Variants in PLCL1 observed in about 807,000 individuals in gnomAD.
PLCL1 encodes the protein phospholipase C like 1 (inactive), also known as inactive phospholipase C-like protein 1.
In PLCL1, 41 loss-of-function variants were observed where a neutral mutation model predicts 84.4. The ratio of observed to expected loss-of-function variants is 0.49; its 90% CI spans 0.38 to 0.63. PLCL1 has a LOEUF of 0.63. PLCL1 is among the 30% of genes least tolerant of loss of function. PLCL1 has a pLI of 0.00. For missense variants in PLCL1, 1,206 were observed against 1,367.8 expected (o/e 0.88, Z 1.87); for synonymous variants, 490 against 488.3 (o/e 1.00, Z -0.05).
At chr2:197,818,897 T>C (rs938245114) in intron 1 of PLCL1, among the ~76,000 whole-genome samples, 1 of 152,090 alleles carries the variant, frequency 6.6e-6, no homozygotes, top group African/African-American at 2.4e-5. Flanking sequence ...AAGAGGTTTC[T>C]TGGGTGAAGA....
intron 1 of PLCL1, among the ~76,000 whole-genome samples, chr2:198,028,707 T>C (rs1691333628): frequency 6.6e-6 from 1 of 152,186 alleles, no homozygotes; most frequent in South Asian, 2.1e-4. Flanking sequence ...GAAGGGTATT[T>C]ATTGCCTGCT....
chr2:197,998,150 G>A (rs1690510994), intron 1 of PLCL1, among the ~76,000 whole-genome samples: 1 of 149,660 alleles, frequency 6.7e-6, no homozygotes, highest in African/African-American at 2.5e-5. Context: ...TTTTTCCTGG[G>A]AGTTTCCTTG....
intron 3 of PLCL1, among the ~76,000 whole-genome samples, chr2:198,099,069 A>G (rs1693267525): frequency 6.6e-6 from 1 of 152,188 alleles, no homozygotes; most frequent in Non-Finnish European, 1.5e-5. Context: ...AGCTCTTTGT[A>G]TTACTACAAC....
At chr2:197,835,498 C>T (rs1046319161) in intron 1 of PLCL1, among the ~76,000 whole-genome samples, 1 of 152,136 alleles carries the variant, frequency 6.6e-6, no homozygotes, top group Non-Finnish European at 1.5e-5. Context: ...CATCGTTATA[C>T]TTTCTGTCTC....
intron 1 of PLCL1, among the ~76,000 whole-genome samples, chr2:198,040,220 G>A (rs903197654): frequency 6.6e-6 from 1 of 152,106 alleles, no homozygotes; most frequent in East Asian, 1.9e-4. Flanking sequence ...GAAAATATAG[G>A]CAAACAGGAC....
At chr2:197,860,761 G>C (rs1687416523) in intron 1 of PLCL1, among the ~76,000 whole-genome samples, 1 of 152,090 alleles carries the variant, frequency 6.6e-6, no homozygotes, top group South Asian at 2.1e-4. Flanking sequence ...ATAGATGCTG[G>C]ATATTAGATC....
chr2:197,988,143 A>G (rs1690258012), intron 1 of PLCL1, among the ~76,000 whole-genome samples: 1 of 152,210 alleles, frequency 6.6e-6, no homozygotes, highest in Non-Finnish European at 1.5e-5. Flanking sequence ...GAGTGAGAAT[A>G]GGCAGTTTAA....
intron 3 of PLCL1, among the ~76,000 whole-genome samples, chr2:198,098,657 A>C (rs1471563400): frequency 1.3e-5 from 2 of 152,196 alleles, no homozygotes; most frequent in Non-Finnish European, 2.9e-5. Flanking sequence ...ATTTAGGTCT[A>C]ATTCAGGATA....
intron 1 of PLCL1, among the ~76,000 whole-genome samples, chr2:197,875,228 G>A (rs1281867235): frequency 2.6e-5 from 4 of 152,106 alleles, no homozygotes; most frequent in Admixed American, 2.6e-4. Flanking sequence ...GGAAGTTGCA[G>A]TGAGCCAAGA....
chr2:198,035,003 C>A (rs1019825127), intron 1 of PLCL1, among the ~76,000 whole-genome samples: 2 of 152,136 alleles, frequency 1.3e-5, no homozygotes, highest in African/African-American at 4.8e-5. Context: ...GTCATGGTAT[C>A]TATTTCTGCC....
chr2:197,892,787 G>A (rs1688055007), intron 1 of PLCL1, among the ~76,000 whole-genome samples: 1 of 152,194 alleles, frequency 6.6e-6, no homozygotes, highest in African/African-American at 2.4e-5. Context: ...GAGGTCAGGA[G>A]TTCGAGATCA....
intron 5 of PLCL1, among the ~76,000 whole-genome samples, chr2:198,117,051 C>T (rs56117148): frequency 0.02 from 2,964 of 151,944 alleles, 94 homozygotes; most frequent in African/African-American, 0.068. Context: ...TTGTCAGCTA[C>T]TCAGCAGCTG....
At chr2:197,954,083 C>T (rs1056164928) in intron 1 of PLCL1, among the ~76,000 whole-genome samples, 1 of 152,062 alleles carries the variant, frequency 6.6e-6, no homozygotes, top group Non-Finnish European at 1.5e-5. Flanking sequence ...GGACTGACAT[C>T]CTATCATTTG....
In PLCL1 at chr2:198,089,072, G is replaced by C; in HGVS notation, c.2919+11G>C. 6.2e-7 allele frequency: 1 copy of C among 1,605,358 alleles called. No individual in the cohort carries two copies. Among genetic ancestry groups the C allele is most frequent in the Non-Finnish European group, 8.5e-7 (1 of 1,172,230 alleles). On this transcript the variant is annotated intron_variant, in intron 3 of 5. Transcript: ENST00000428675. Reference sequence around the variant, plus strand: ...ACTGCTTATGATCTGGTAGGAAATTGCGACTCCATATTTTTTTACGTGTGT... The same window carrying C: ...ACTGCTTATGATCTGGTAGGAAATTCCGACTCCATATTTTTTTACGTGTGT...
At position 198,093,733 on chromosome 2, in the gene PLCL1, C is replaced by T. The variant is rs1387146334; in HGVS notation, c.2919+4672C>T. The stretch of plus-strand genomic sequence containing the variant: ...AGAATATGTTTAGAATAAAAACAAC[C>T]TGAAATCTTTCCTGAACAGATACAA... On this transcript the variant is annotated intron_variant, in intron 3 of 5. Transcript: ENST00000428675. Among the ~76,000 whole-genome samples, 8 of 152,196 alleles carry T rather than the reference C, an allele frequency of 5.3e-5. No individual in the cohort carries two copies. The East Asian group carries it at 1.4e-3, about 26-fold the overall frequency.
intron 5 of PLCL1, among the ~76,000 whole-genome samples, chr2:198,130,414 A>C (rs1157318951): frequency 6.6e-6 from 1 of 152,142 alleles, no homozygotes; most frequent in African/African-American, 2.4e-5. Context: ...CAGTTCATGC[A>C]AAGGGTTTTG....
chr2:197,839,104 T>C (rs1691247046), intron 1 of PLCL1, among the ~76,000 whole-genome samples: 3 of 152,352 alleles, frequency 2.0e-5, no homozygotes, highest in Non-Finnish European at 2.9e-5. Context: ...TCTTCTTACA[T>C]CTATTTTTGA....
intron 1 of PLCL1, among the ~76,000 whole-genome samples, chr2:197,908,814 T>A (rs55909226): frequency 0.021 from 3,156 of 152,304 alleles, 110 homozygotes; most frequent in African/African-American, 0.073. Flanking sequence ...CCATTATATA[T>A]TTTTAAAAAT....
chr2:197,981,325 T>C (rs1261000634), intron 1 of PLCL1, among the ~76,000 whole-genome samples: 1 of 152,102 alleles, frequency 6.6e-6, no homozygotes, highest in Non-Finnish European at 1.5e-5. Flanking sequence ...TGAAAACACA[T>C]GTAGAAAAAT....
Sources: allele counts gnomAD v4.1 joint callset (sites outside exome capture counted in the v4.1 genomes callset), GRCh38; gene constraint gnomAD v4.1.1; transcripts MANE v1.5; gene names NCBI Gene and HGNC (gene_info 2026-07-23, HGNC 2026-07-21).